Variants in EPB41L4B observed in about 807,000 individuals in gnomAD.
EPB41L4B encodes band 4.1-like protein 4B.
Under a neutral mutation model 112.5 loss-of-function variants are expected in EPB41L4B, and 30 were observed. The observed-to-expected ratio is 0.27, with a 90% CI of 0.20 to 0.36. EPB41L4B has a LOEUF of 0.36. Among genes scored for constraint, EPB41L4B ranks in the 10% least tolerant of loss-of-function variants. The pLI is 1.00. For synonymous variants in EPB41L4B, 408 were observed against 439.7 expected, an observed-to-expected ratio of 0.93 and a Z score of 0.90; for missense variants, 1,024 against 1,133.3, an observed-to-expected ratio of 0.90 and a Z score of 1.38.
At position 109,268,847 on chromosome 9, in the gene EPB41L4B, A is replaced by G. The variant is rs561153495; in HGVS notation, c.412-414T>C. Among the ~76,000 whole-genome samples the G allele has an allele frequency of 4.1e-5, 6 of 145,684 alleles. No homozygotes were observed. The East Asian group carries it at 1.2e-3, about 30-fold the overall frequency. Reference sequence around the variant, plus strand: ...AGGAGGCGGAGCTTGCAGTGAGTCGAGATCGCGCCACTGCACTCCAGCCTG... The same window carrying G: ...AGGAGGCGGAGCTTGCAGTGAGTCGGGATCGCGCCACTGCACTCCAGCCTG... On this transcript the variant is annotated intron_variant, in intron 2 of 25. Coordinates refer to ENST00000374566, the MANE Select transcript of EPB41L4B (RefSeq NM_019114.5).
At position 109,320,825 on chromosome 9, in the gene EPB41L4B, T is replaced by TGCTCCCGCGCCGCGCGCC. The variant is rs1837848470; in HGVS notation, c.-397_-380dup. On this transcript the variant is annotated 5_prime_UTR_variant, in exon 1 of 26. Coordinates refer to ENST00000374566, the MANE Select transcript of EPB41L4B (RefSeq NM_019114.5). ...GGGGCGCGGGAGGCGGGCTGCGGGC[T>TGCTCCCGCGCCGCGCGCC]GCTCCCGCGCCGCGCGCCGGCCGAG... 6.9e-6 allele frequency: 1 copy of TGCTCCCGCGCCGCGCGCC among 144,442 alleles called. No individual in the cohort carries two copies. Among genetic ancestry groups the TGCTCCCGCGCCGCGCGCC allele is most frequent in the Non-Finnish European group, 1.5e-5 (1 of 65,170 alleles). 8.9% of individuals were successfully genotyped at this position (144,442 alleles called of 1,614,324 possible). A position where few individuals can be genotyped will look rare whatever the true frequency, so the allele number is the denominator to read the frequency against.
At chr9:109,286,217 ATGGG>A (rs1328108278) in intron 1 of EPB41L4B, among the ~76,000 whole-genome samples, 8 of 148,538 alleles carry the variant, frequency 5.4e-5, no homozygotes, top group African/African-American at 1.8e-4. Flanking sequence ...GGATGGATGG[ATGGG>A]TGGATGGATG....
intron 15 of EPB41L4B, among the ~76,000 whole-genome samples, chr9:109,218,997 G>A (rs149308580): frequency 5.4e-4 from 82 of 152,316 alleles, no homozygotes; most frequent in Non-Finnish European, 6.3e-4. Flanking sequence ...ATGCAGAAGT[G>A]GAAGCAATCA....
intron 2 of EPB41L4B, among the ~76,000 whole-genome samples, chr9:109,274,398 T>C (rs1450151662): frequency 6.6e-6 from 1 of 152,128 alleles, no homozygotes; most frequent in East Asian, 1.9e-4. Context: ...ACCCTTTCTC[T>C]TGGATATCTT....
chr9:109,179,537 A>G (rs552940755), intron 24 of EPB41L4B, among the ~76,000 whole-genome samples: 1 of 152,198 alleles, frequency 6.6e-6, no homozygotes, highest in Non-Finnish European at 1.5e-5. Flanking sequence ...CTCTTGAGTT[A>G]CAGACTTGGA....
chr9:109,180,672 T>C (rs1832021315), intron 24 of EPB41L4B, among the ~76,000 whole-genome samples: 1 of 152,216 alleles, frequency 6.6e-6, no homozygotes, highest in African/African-American at 2.4e-5. Context: ...TGAAGCCATG[T>C]TGGGTAGTGG....
At chr9:109,248,102 G>C (rs1212641670) in intron 13 of EPB41L4B, among the ~76,000 whole-genome samples, 1 of 152,220 alleles carries the variant, frequency 6.6e-6, no homozygotes, top group Non-Finnish European at 1.5e-5. Flanking sequence ...GGCAAACCAA[G>C]TAATTTTACT....
At chr9:109,283,188 T>C (rs1399523161) in intron 1 of EPB41L4B, among the ~76,000 whole-genome samples, 1 of 152,226 alleles carries the variant, frequency 6.6e-6, no homozygotes, top group Non-Finnish European at 1.5e-5. Context: ...GTTGATCTTC[T>C]GGCAAGGTTA....
chr9:109,242,240 G>A (rs188409617), intron 15 of EPB41L4B, among the ~76,000 whole-genome samples: 1 of 152,316 alleles, frequency 6.6e-6, no homozygotes, highest in Admixed American at 6.5e-5. Context: ...TACACAAAAT[G>A]TTGGGCCCCA....
At chr9:109,264,857 T>C (rs1835342566) in intron 5 of EPB41L4B, 123 bp downstream of exon 5, 1 of 731,258 alleles carries the variant, frequency 1.4e-6, no homozygotes, top group Non-Finnish European at 2.2e-6. Flanking sequence ...CACTTTACAA[T>C]GCCTGGTGCA....
chr9:109,233,274 T>C (rs1202288118), intron 15 of EPB41L4B, among the ~76,000 whole-genome samples: 2 of 152,130 alleles, frequency 1.3e-5, no homozygotes, highest in Admixed American at 6.5e-5. Flanking sequence ...TCAGTTCCAA[T>C]ATATTGAAAC....
chr9:109,200,144 T>A, intron 20 of EPB41L4B, 92 bp downstream of exon 20: 1 of 1,046,700 alleles, frequency 9.6e-7, no homozygotes, highest in Non-Finnish European at 1.4e-6. Flanking sequence ...GGCTGCTCCC[T>A]GGGACTAGTC....
chr9:109,223,307 A>G lies in EPB41L4B; in HGVS notation c.1410-6162T>C, dbSNP rs1283572870. 2.0e-5 allele frequency among the ~76,000 whole-genome samples: 3 copies of G among 152,086 alleles called. No individual in the cohort carries two copies. In the East Asian group the frequency reaches 5.8e-4, roughly 30 times the overall value. On this transcript the variant is annotated intron_variant, in intron 15 of 25. Coordinates refer to ENST00000374566, the MANE Select transcript of EPB41L4B (RefSeq NM_019114.5). ...AAAAATTAACCCGGTATGGTGGCACATACTGTGGTCCTAGCTACTCAGGAG... is the reference window on the plus strand; with the variant it reads ...AAAAATTAACCCGGTATGGTGGCACGTACTGTGGTCCTAGCTACTCAGGAG...
In EPB41L4B at chr9:109,268,453, T is replaced by C; in HGVS notation, c.412-20A>G. 6.2e-7 allele frequency: 1 copy of C among 1,604,354 alleles called. No homozygotes were observed. The highest frequency in any genetic ancestry group is 8.5e-7 in the Non-Finnish European group (1 of 1,177,892). On this transcript the variant is annotated intron_variant, in intron 2 of 25. Transcript: ENST00000374566. ...CCAGTGCTGAAAGAAAGAAAAAAAGTTTCTTTAGGAATAGTTCATCAGCAA... is the reference window on the plus strand; with the variant it reads ...CCAGTGCTGAAAGAAAGAAAAAAAGCTTCTTTAGGAATAGTTCATCAGCAA...
chr9:109,263,780 GC>G (rs1034465996), intron 5 of EPB41L4B, among the ~76,000 whole-genome samples: 38 of 151,914 alleles, frequency 2.5e-4, no homozygotes, highest in Admixed American at 6.6e-4. Context: ...TTGCCAGTGA[GC>G]CCCCCCGACC....
chr9:109,318,437 C>T (rs1180723919), intron 1 of EPB41L4B, among the ~76,000 whole-genome samples: 1 of 152,130 alleles, frequency 6.6e-6, no homozygotes, highest in East Asian at 1.9e-4. Flanking sequence ...CCATGCACAC[C>T]ACTTAAGCCT....
intron 1 of EPB41L4B, among the ~76,000 whole-genome samples, chr9:109,287,610 T>A (rs117784636): frequency 2.6e-5 from 4 of 152,302 alleles, no homozygotes; most frequent in South Asian, 2.1e-4. Context: ...CTCCCCTTTA[T>A]CTACCTGCCC....
At chr9:109,205,589 C>T (rs1485756209) in intron 18 of EPB41L4B, among the ~76,000 whole-genome samples, 1 of 152,186 alleles carries the variant, frequency 6.6e-6, no homozygotes, top group Admixed American at 6.5e-5. Flanking sequence ...ATAACCTTGA[C>T]ATTCCTGAGT....
intron 6 of EPB41L4B, among the ~76,000 whole-genome samples, chr9:109,258,740 G>A (rs967427388): frequency 2.0e-5 from 3 of 152,132 alleles, no homozygotes; most frequent in Non-Finnish European, 4.4e-5. Flanking sequence ...TCAAGAATTC[G>A]GCACATGCAG....
Sources: gnomAD v4.1 joint callset for allele counts (sites outside exome capture counted in the v4.1 genomes callset) on GRCh38, gnomAD v4.1.1 for gene constraint, MANE v1.5 for transcripts, NCBI Gene and HGNC (gene_info 2026-07-23, HGNC 2026-07-21) for gene names.